Variants in COL11A1 observed in about 807,000 individuals in gnomAD.
COL11A1 encodes collagen type XI alpha 1 chain, also known as collagen alpha-1(XI) chain.
COL11A1 carries 74 observed loss-of-function variants against 265.2 expected under a neutral mutation model. The ratio of observed to expected loss-of-function variants is 0.28; its 90% CI spans 0.23 to 0.34. The LOEUF (loss-of-function observed/expected upper bound fraction) is 0.34. Among genes scored for constraint, COL11A1 ranks in the 10% least tolerant of loss-of-function variants. The probability of loss-of-function intolerance (pLI) is 1.00; values close to 1 mark genes in which losing one functional copy is unlikely to be tolerated. For missense variants in COL11A1, 2,165 were observed against 2,263.6 expected, an observed-to-expected ratio of 0.96 and a Z score of 0.88; for synonymous variants, 816 against 727.6, an observed-to-expected ratio of 1.12 and a Z score of -1.96.
chr1:102,909,745 T>C (rs1237198709), intron 54 of COL11A1, among the ~76,000 whole-genome samples: 1 of 152,032 alleles, frequency 6.6e-6, no homozygotes, highest in African/African-American at 2.4e-5. Flanking sequence ...AGAGCAAATA[T>C]ATAATCTAAA....
chr1:103,025,454 A>C, intron 7 of COL11A1, 67 bp downstream of exon 7: 2 of 1,053,944 alleles, frequency 1.9e-6, no homozygotes, highest in Non-Finnish European at 3.0e-6. Flanking sequence ...TCCAGAGTGA[A>C]GTATATCAAA....
intron 5 of COL11A1, among the ~76,000 whole-genome samples, chr1:103,028,761 A>C (rs1667756847): frequency 6.6e-6 from 1 of 152,186 alleles, no homozygotes; most frequent in African/African-American, 2.4e-5. Flanking sequence ...ATATTAAGTG[A>C]AAAGATAATA....
intron 1 of COL11A1, among the ~76,000 whole-genome samples, chr1:103,096,663 G>A (rs1673792923): frequency 1.3e-5 from 2 of 151,914 alleles, no homozygotes; most frequent in Admixed American, 1.3e-4. Flanking sequence ...TCAATGACAT[G>A]ATTACTTTAA....
At chr1:103,092,594 T>C (rs1452405889) in intron 1 of COL11A1, among the ~76,000 whole-genome samples, 1 of 152,126 alleles carries the variant, frequency 6.6e-6, no homozygotes, top group Non-Finnish European at 1.5e-5. Flanking sequence ...TCTGTACTAC[T>C]GTAATCATTT....
At chr1:102,880,947 A>C (rs906481829) in intron 65 of COL11A1, among the ~76,000 whole-genome samples, 3 of 152,060 alleles carry the variant, frequency 2.0e-5, no homozygotes, top group African/African-American at 4.8e-5. Context: ...CAACTTGAAG[A>C]CTGTAATAGA....
At chr1:102,923,011 C>A (rs1656169332) in intron 47 of COL11A1, among the ~76,000 whole-genome samples, 1 of 151,858 alleles carries the variant, frequency 6.6e-6, no homozygotes, top group South Asian at 2.1e-4. Flanking sequence ...TCTTAGAGAG[C>A]CAGAATCAAT....
chr1:103,070,979 C>T (rs1002942979), intron 4 of COL11A1, among the ~76,000 whole-genome samples: 1 of 151,846 alleles, frequency 6.6e-6, no homozygotes, highest in African/African-American at 2.4e-5. Flanking sequence ...AAAAAGTTTG[C>T]TAATCTTACT....
rs1196626316 is a variant in COL11A1, at chr1:102,942,460, T to C, written c.3277-2026A>G. Among the ~76,000 whole-genome samples the C allele has an allele frequency of 2.0e-5, 3 of 152,158 alleles. 1 individual carries two copies. Among genetic ancestry groups the C allele is most frequent in the African/African-American group, 7.2e-5 (3 of 41,450 alleles). ...ATAATTCCTCAAGATGACATAACTC[T>C]TCCTCCATTATGTATCTCTTGGCCC... On this transcript the variant is annotated intron_variant, in intron 42 of 66. Coordinates refer to ENST00000370096, the MANE Select transcript of COL11A1 (RefSeq NM_001854.4).
In COL11A1 at chr1:102,913,536, C is replaced by A. The variant is rs770823924; in HGVS notation, c.4032+101G>T. On this transcript the variant is annotated intron_variant, in intron 53 of 66. Transcript: ENST00000370096. ...TAATTCTTTCAAAAAAGTGCATATA[C>A]ATAGAGCTATGTTTTTCAAAGGCTG... 5.6e-4 allele frequency: 638 copies of A among 1,144,766 alleles called. 3 individuals carry two copies. Among genetic ancestry groups the A allele is most frequent in the Non-Finnish European group, 4.4e-4 (332 of 757,250 alleles). The allele number at this position is 1,144,766 out of a possible 1,614,324, so 70.9% of individuals were successfully genotyped here.
intron 41 of COL11A1, among the ~76,000 whole-genome samples, chr1:102,955,395 G>A (rs1660275284): frequency 6.6e-6 from 1 of 152,092 alleles, no homozygotes; most frequent in Non-Finnish European, 1.5e-5. Context: ...AGGAGTCACA[G>A]GAAAACAGCA....
chr1:102,972,732 C>T (rs183836751), intron 36 of COL11A1, among the ~76,000 whole-genome samples: 34 of 152,166 alleles, frequency 2.2e-4, no homozygotes, highest in African/African-American at 6.0e-4. Flanking sequence ...GCAGATTTGG[C>T]GAGAAAATCT....
intron 41 of COL11A1, among the ~76,000 whole-genome samples, chr1:102,951,272 A>G (rs1433148555): frequency 6.6e-6 from 1 of 152,208 alleles, no homozygotes; most frequent in African/African-American, 2.4e-5. Context: ...TTGGCACTAC[A>G]TTCTGAGTAG....
intron 28 of COL11A1, among the ~76,000 whole-genome samples, chr1:102,995,096 A>C (rs557057854): frequency 6.6e-6 from 1 of 152,176 alleles, no homozygotes; most frequent in South Asian, 2.1e-4. Flanking sequence ...TGGGAATTAC[A>C]ATTTGGATTA....
rs531152897 is a variant in COL11A1 at position 102,956,058 on chromosome 1, C to T, written c.3168+5808G>A. 3.1e-4 allele frequency among the ~76,000 whole-genome samples: 47 copies of T among 152,242 alleles called. 1 individual carries two copies. The South Asian group carries it at 3.3e-3, about 11-fold the overall frequency. ...TATAATTTTGTCATAAGTGGTAGCA[C>T]GACAGAACGTTCCTCAGTATACAAT... On this transcript the variant is annotated intron_variant, in intron 41 of 66. Transcript: ENST00000370096.
chr1:103,006,272 G>C lies in COL11A1; in HGVS notation c.1727C>G (p.Pro576Arg). 6.2e-7 allele frequency: 1 copy of C among 1,608,606 alleles called. No individual in the cohort carries two copies. Residue 576 changes from proline (P) to arginine (R), a missense_variant, in exon 16 of 67, where the codon CCT becomes CGT. Physicochemically the swap from Pro to Arg is moderately radical, Grantham distance 103. Transcript: ENST00000370096. Reference protein sequence around the residue: ...VQGPPGPTGKPGKRGRPGADG... With the variant: ...VQGPPGPTGKRGKRGRPGADG... ...GAAAATAAGCCATACCCTTTTTCCA[G>C]GTTTTCCCGTTGGACCAGGGGGACC...
chr1:103,029,200 T>C (rs1261916958), intron 5 of COL11A1, among the ~76,000 whole-genome samples: 4 of 152,048 alleles, frequency 2.6e-5, no homozygotes, highest in Admixed American at 2.0e-4. Flanking sequence ...ATAAAATAAA[T>C]TGACATATTT....
At chr1:102,884,121 C>A (rs1650634130) in intron 63 of COL11A1, among the ~76,000 whole-genome samples, 1 of 152,068 alleles carries the variant, frequency 6.6e-6, no homozygotes, top group African/African-American at 2.4e-5. Flanking sequence ...GAAAATGATA[C>A]CCCAAAGTGA....
At chr1:102,946,590 G>A (rs1172039013) in intron 42 of COL11A1, among the ~76,000 whole-genome samples, 2 of 150,976 alleles carry the variant, frequency 1.3e-5, no homozygotes, top group East Asian at 1.9e-4. Context: ...TTTAAAAAAA[G>A]CAAAATGAAA....
intron 57 of COL11A1, among the ~76,000 whole-genome samples, chr1:102,895,530 T>C (rs1652311464): frequency 6.6e-6 from 1 of 152,084 alleles, no homozygotes; most frequent in African/African-American, 2.4e-5. Context: ...TTGAAGCCTG[T>C]GTAGATTTGG....
Sources: gnomAD v4.1 joint callset for allele counts (sites outside exome capture counted in the v4.1 genomes callset) on GRCh38, gnomAD v4.1.1 for gene constraint, MANE v1.5 for transcripts, NCBI Gene and HGNC (gene_info 2026-07-23, HGNC 2026-07-21) for gene names.